The following SNAP91 variants were observed in gnomAD, a reference collection of about 807,000 sequenced individuals.
SNAP91 encodes synaptosome associated protein 91.
In SNAP91, 27 loss-of-function variants were observed where a neutral mutation model predicts 100.3. That is an observed-to-expected ratio of 0.27 (90% CI 0.20 to 0.37). The LOEUF is 0.37. SNAP91 is among the 10% of genes least tolerant of loss of function. SNAP91 has a pLI of 1.00. For synonymous variants in SNAP91, 404 were observed against 398.6 expected (o/e 1.01, Z -0.16); for missense variants, 986 against 1,123.7 (o/e 0.88, Z 1.75).
chr6:83,651,534 C>G (rs983160093), intron 7 of SNAP91, among the ~76,000 whole-genome samples: 1 of 152,114 alleles, frequency 6.6e-6, no homozygotes, highest in Admixed American at 6.6e-5. Flanking sequence ...TTAATCTCCA[C>G]CTATTCTGAG....
rs764376228 is a variant in SNAP91 at position 83,594,432 on chromosome 6, G to C, written c.1374C>G (p.Ala458=). ...CAGGGGTTGGGGTAGCTGGTGCGGC[G>C]GCCCCTTCGGATGCTGCAGGGGCCT... is the stretch of plus-strand genomic sequence containing the variant. ...PGEAPAASEG[A]AAPATPTPVA... Residue 458 remains alanine (A), a synonymous_variant, in exon 17 of 30, where the codon GCC becomes GCG. Transcript: ENST00000369694. 3 of 1,552,026 alleles carry C rather than the reference G, an allele frequency of 1.9e-6. No homozygotes were observed. The Admixed American group carries it at 5.9e-5, about 30-fold the overall frequency.
chr6:83,639,762 A>G (rs181164223), intron 8 of SNAP91, among the ~76,000 whole-genome samples: 15 of 152,270 alleles, frequency 9.9e-5, no homozygotes, highest in African/African-American at 3.6e-4. Flanking sequence ...CTTACATACA[A>G]TAACAAATGA....
intron 28 of SNAP91, among the ~76,000 whole-genome samples, chr6:83,558,116 A>C (rs377518241): frequency 7.9e-5 from 12 of 152,224 alleles, no homozygotes; most frequent in East Asian, 7.7e-4. Context: ...TTGGTATTAC[A>C]CAATAAAAAC....
intron 8 of SNAP91, among the ~76,000 whole-genome samples, chr6:83,626,706 A>G (rs1162360286): frequency 1.3e-5 from 2 of 151,904 alleles, no homozygotes; most frequent in Non-Finnish European, 2.9e-5. Flanking sequence ...GTTTGTAGGT[A>G]GATTTTGTCC....
intron 2 of SNAP91, among the ~76,000 whole-genome samples, chr6:83,674,126 T>A (rs1274625375): frequency 6.6e-6 from 1 of 152,166 alleles, no homozygotes; most frequent in Non-Finnish European, 1.5e-5. Context: ...GGGAACTTCT[T>A]GTTAAGAAAG....
intron 2 of SNAP91, among the ~76,000 whole-genome samples, chr6:83,670,286 T>C (rs755954347): frequency 2.6e-5 from 4 of 151,516 alleles, no homozygotes; most frequent in Non-Finnish European, 5.9e-5. Flanking sequence ...TTGTGATATC[T>C]CTCGGTGGTT....
intron 14 of SNAP91, 57 bp downstream of exon 14, chr6:83,605,628 T>TA: frequency 6.5e-7 from 1 of 1,545,592 alleles, no homozygotes; most frequent in East Asian, 2.5e-5. Flanking sequence ...ATAGCCTAAG[T>TA]AAAAACAATG....
chr6:83,609,965 C>T (rs1562327210), intron 12 of SNAP91, among the ~76,000 whole-genome samples: 1 of 151,960 alleles, frequency 6.6e-6, no homozygotes, highest in African/African-American at 2.4e-5. Context: ...ATATTTAGTC[C>T]AAACAAAGGA....
intron 8 of SNAP91, among the ~76,000 whole-genome samples, chr6:83,628,456 C>G (rs2097060654): frequency 6.6e-6 from 1 of 151,592 alleles, no homozygotes; most frequent in Non-Finnish European, 1.5e-5. Context: ...AGTGGCTGTA[C>G]TAGTTTACAT....
chr6:83,607,003 CTCAGT>C (rs2095656614), intron 13 of SNAP91, among the ~76,000 whole-genome samples: 1 of 152,168 alleles, frequency 6.6e-6, no homozygotes, highest in Admixed American at 6.5e-5. Context: ...GGATTTCTTG[CTCAGT>C]TCAAAGTTCA....
chr6:83,690,417 T>C, intron 2 of SNAP91: 1 of 1,288,708 alleles, frequency 7.8e-7, no homozygotes, highest in Non-Finnish European at 1.0e-6. Context: ...GAAGCACTTG[T>C]TGAAAGAAGG....
At chr6:83,673,446 C>A (rs1189782495) in intron 2 of SNAP91, among the ~76,000 whole-genome samples, 1 of 152,144 alleles carries the variant, frequency 6.6e-6, no homozygotes, top group African/African-American at 2.4e-5. Context: ...GACTTCCTAT[C>A]TCCAGAACTG....
intron 22 of SNAP91, among the ~76,000 whole-genome samples, chr6:83,590,348 C>T (rs144936924): frequency 6.6e-6 from 1 of 152,284 alleles, no homozygotes; most frequent in East Asian, 1.9e-4. Context: ...TCACTAAGCA[C>T]ACACTTTGTC....
intron 2 of SNAP91, among the ~76,000 whole-genome samples, chr6:83,694,537 G>A (rs2099170226): frequency 6.6e-6 from 1 of 152,186 alleles, no homozygotes. Flanking sequence ...ACCATGACCT[G>A]TGCTAAGCAA....
At chr6:83,628,402 G>C (rs1381015780) in intron 8 of SNAP91, among the ~76,000 whole-genome samples, 1 of 151,716 alleles carries the variant, frequency 6.6e-6, no homozygotes, top group Non-Finnish European at 1.5e-5. Context: ...TCAAATGGTA[G>C]TTCTACTTTT....
At position 83,560,133 on chromosome 6, in the gene SNAP91, AG is replaced by A; in HGVS notation, c.2601del (p.Phe868LeufsTer31). On this transcript the variant is annotated frameshift_variant, in exon 28 of 30. Transcript: ENST00000369694. LOFTEE classifies it high-confidence loss of function. ...GTGCCAGGTACAGCGGCAGCTCCAAAGGGGGGCCTCATCATGGGCTGTGCAA... is the reference window on the plus strand; with the variant it reads ...GTGCCAGGTACAGCGGCAGCTCCAAAGGGGGCCTCATCATGGGCTGTGCAA... Reference protein sequence around the residue: ...VMFAQPMMRPPFGAAAVPGTQ... With the variant: ...VMFAQPMMRPXFGAAAVPGTQ... 1 of 1,613,892 alleles carries A rather than the reference AG, an allele frequency of 6.2e-7. No homozygotes were observed. The highest frequency in any genetic ancestry group is 8.5e-7 in the Non-Finnish European group (1 of 1,179,866).
At chr6:83,663,438 C>T (rs1416387012) in intron 3 of SNAP91, among the ~76,000 whole-genome samples, 1 of 152,122 alleles carries the variant, frequency 6.6e-6, no homozygotes, top group East Asian at 1.9e-4. Flanking sequence ...CTTTAATGAA[C>T]ACACAAATGA....
At chr6:83,645,246 CTT>C (rs963656094) in intron 7 of SNAP91, among the ~76,000 whole-genome samples, 1 of 145,102 alleles carries the variant, frequency 6.9e-6, no homozygotes. Flanking sequence ...TATATCCTGA[CTT>C]TTTTTTTTTT....
At chr6:83,601,541 A>G (rs564792233) in intron 15 of SNAP91, 44 bp downstream of exon 15, 5 of 1,612,514 alleles carry the variant, frequency 3.1e-6, no homozygotes, top group Admixed American at 3.3e-5. Flanking sequence ...TGTTACATAC[A>G]GAAGTCTGTC....
Sources: gnomAD v4.1 joint callset for allele counts (sites outside exome capture counted in the v4.1 genomes callset) on GRCh38, gnomAD v4.1.1 for gene constraint, MANE v1.5 for transcripts, NCBI Gene and HGNC (gene_info 2026-07-23, HGNC 2026-07-21) for gene names.